LRP6: variants seen among roughly 807,000 people sequenced by gnomAD.
LRP6 encodes the protein low-density lipoprotein receptor-related protein 6.
In LRP6, 43 loss-of-function variants were observed where a neutral mutation model predicts 184.1. That is an observed-to-expected ratio of 0.23 (90% confidence interval 0.18 to 0.30). LRP6 has a LOEUF of 0.30. LRP6 is among the 10% of genes least tolerant of loss of function. The pLI is 1.00. For missense variants in LRP6, 1,571 were observed against 2,005.3 expected (o/e 0.78, Z 4.14); for synonymous variants, 719 against 684.9 (o/e 1.05, Z -0.78).
At chr12:12,121,539 T>G in intron 22 of LRP6, 119 bp from the exon 23 acceptor site, 1 of 950,998 alleles carries the variant, frequency 1.1e-6, no homozygotes, top group African/African-American at 1.6e-5. Flanking sequence ...TACTGCAATT[T>G]AAATTTACAC....
intron 2 of LRP6, among the ~76,000 whole-genome samples, chr12:12,239,152 G>C (rs1241129194): frequency 6.6e-6 from 1 of 152,126 alleles, no homozygotes; most frequent in Non-Finnish European, 1.5e-5. Context: ...ATAGAAAACA[G>C]ACCTTCCCAA....
intron 12 of LRP6, among the ~76,000 whole-genome samples, chr12:12,156,144 A>G (rs537181662): frequency 5.9e-5 from 9 of 152,334 alleles, no homozygotes; most frequent in Admixed American, 2.6e-4. Context: ...AAAAGTACAG[A>G]TAAGGGGCAC....
intron 22 of LRP6, among the ~76,000 whole-genome samples, chr12:12,122,846 T>C (rs542739418): frequency 6.6e-6 from 1 of 151,550 alleles, no homozygotes; most frequent in South Asian, 2.1e-4. Context: ...AAAATAAAAA[T>C]AAAAATAAAA....
intron 2 of LRP6, among the ~76,000 whole-genome samples, chr12:12,225,800 A>T (rs1054410570): frequency 1.4e-5 from 2 of 145,398 alleles, no homozygotes; most frequent in African/African-American, 5.1e-5. Context: ...TGAACCCGGG[A>T]GGCAGAGGTT....
At chr12:12,199,350 T>C (rs1400728204) in intron 3 of LRP6, among the ~76,000 whole-genome samples, 1 of 152,066 alleles carries the variant, frequency 6.6e-6, no homozygotes, top group African/African-American at 2.4e-5. Flanking sequence ...CATTGTTGAA[T>C]ACACTGGCAG....
At chr12:12,171,886 T>C (rs528077684) in intron 7 of LRP6, among the ~76,000 whole-genome samples, 1 of 152,364 alleles carries the variant, frequency 6.6e-6, no homozygotes, top group African/African-American at 2.4e-5. Context: ...GAAATCACTA[T>C]TCCATTTCTC....
chr12:12,186,766 C>CAA, intron 4 of LRP6, 157 bp downstream of exon 4: 1 of 685,088 alleles, frequency 1.5e-6, no homozygotes, highest in South Asian at 1.7e-5. Context: ...TCAAGTGATT[C>CAA]TCTTGCCTCA....
Position 12,164,409 on chromosome 12 carries a change from C to T in LRP6, c.1916G>A (p.Arg639Lys). The T allele has an allele frequency of 6.2e-7, 1 of 1,614,136 alleles. No individual in the cohort carries two copies. Among genetic ancestry groups the T allele is most frequent in the Non-Finnish European group, 8.5e-7 (1 of 1,180,034 alleles). ...VPEAFLLFSR[R>K]ADIRRISLET... is the part of the protein sequence containing the mutation. ...CAGAGAAATTCGTCTGATATCTGCT[C>T]TCCGTGAAAACAAAAGGAAAGCCTC... The change falls in exon 9 of 23, where the codon AGA becomes AAA. Residue 639 changes from arginine (R) to lysine (K), a missense_variant. Transcript: ENST00000261349.
rs185626158 is a variant in LRP6, at chr12:12,179,230, T to G, written c.1545+580A>C. On this transcript the variant is annotated intron_variant, in intron 7 of 22. Transcript: ENST00000261349. ...TTAACTCTACCACTTGGTAAATATTTTTTCCCAAGCTTTGGTTAATTAGTC... is the reference window on the plus strand; with the variant it reads ...TTAACTCTACCACTTGGTAAATATTGTTTCCCAAGCTTTGGTTAATTAGTC... 2.3e-3 allele frequency among the ~76,000 whole-genome samples: 351 copies of G among 152,264 alleles called. 1 individual carries two copies. Among genetic ancestry groups the G allele is most frequent in the African/African-American group, 8.2e-3 (340 of 41,544 alleles).
intron 19 of LRP6, among the ~76,000 whole-genome samples, chr12:12,128,085 C>T (rs1386509464): frequency 6.6e-6 from 1 of 152,184 alleles, no homozygotes; most frequent in African/African-American, 2.4e-5. Context: ...CTGGGTCACA[C>T]CATAAACTCC....
intron 19 of LRP6, among the ~76,000 whole-genome samples, chr12:12,130,316 G>T (rs1190724418): frequency 6.6e-6 from 1 of 151,776 alleles, no homozygotes; most frequent in Non-Finnish European, 1.5e-5. Flanking sequence ...CCTCCCAGTA[G>T]CTGGGATTAC....
In LRP6 at chr12:12,131,986, G is replaced by A. The variant is rs1335350108; in HGVS notation, c.3805C>T (p.Arg1269Trp). 5 of 1,614,012 alleles carry A rather than the reference G, an allele frequency of 3.1e-6. No individual in the cohort carries two copies. The highest frequency in any genetic ancestry group is 2.5e-6 in the Non-Finnish European group (3 of 1,180,006). ...TCACATTCAGTAAACCCATCGCACC[G>A]CCAAGCCACAGGGATACAGTCAATT... Reference protein sequence around the residue: ...GEIDCIPVAWRCDGFTECEDH... With the variant: ...GEIDCIPVAWWCDGFTECEDH... The change falls in exon 18 of 23, where the codon CGG (arginine) becomes TGG (tryptophan). Residue 1269 changes from arginine to tryptophan, a missense_variant. Coordinates refer to ENST00000261349, the MANE Select transcript of LRP6 (RefSeq NM_002336.3).
chr12:12,235,590 C>A (rs1864911256), intron 2 of LRP6, among the ~76,000 whole-genome samples: 1 of 151,974 alleles, frequency 6.6e-6, no homozygotes, highest in South Asian at 2.1e-4. Context: ...ATTAGCCAGG[C>A]ATAGTGGCGC....
chr12:12,226,748 A>G (rs1864634406), intron 2 of LRP6: 1 of 152,324 alleles, frequency 6.6e-6, no homozygotes. Flanking sequence ...CAAGGATGAC[A>G]TGCAAATTCG....
chr12:12,167,403 G>A (rs1169387313), intron 7 of LRP6, among the ~76,000 whole-genome samples: 3 of 152,154 alleles, frequency 2.0e-5, no homozygotes, highest in African/African-American at 7.2e-5. Flanking sequence ...CAGCATTTTG[G>A]GAGGCCGAGA....
At chr12:12,199,233 C>A (rs1435999271) in intron 3 of LRP6, among the ~76,000 whole-genome samples, 1 of 151,890 alleles carries the variant, frequency 6.6e-6, no homozygotes, top group Admixed American at 6.6e-5. Flanking sequence ...ATAGCATGAA[C>A]ACATATTATA....
At chr12:12,247,702 GATAGGT>G (rs1194662250) in intron 1 of LRP6, among the ~76,000 whole-genome samples, 4 of 152,136 alleles carry the variant, frequency 2.6e-5, no homozygotes, top group Non-Finnish European at 4.4e-5. Context: ...TGGGATATCT[GATAGGT>G]ATAATTTGAT....
rs780211090 is a variant in LRP6 at position 12,164,502 on chromosome 12, T to A, written c.1823A>T (p.Gln608Leu). The A allele has an allele frequency of 6.2e-7, 1 of 1,614,166 alleles. No individual in the cohort carries two copies. The highest frequency in any genetic ancestry group is 1.7e-5 in the Admixed American group (1 of 60,028). Reference sequence around the variant, plus strand: ...AATAGGGCAAGCACAGCGAAGGCCCTGAGGTCTATAGAGGCAGAGATGGCT... The same window carrying A: ...AATAGGGCAAGCACAGCGAAGGCCCAGAGGTCTATAGAGGCAGAGATGGCT... The part of the protein sequence containing the change: ...GCSHLCLYRP[Q>L]GLRCACPIGF... The change falls in exon 9 of 23, where the codon CAG (glutamine) becomes CTG (leucine). Residue 608 changes from glutamine (Q) to leucine (L), a missense_variant. Gln to Leu is a moderately radical substitution (Grantham distance 113). This residue lies in a region of LRP6 where 640 missense variants were observed against 851.9 expected (regional missense o/e 0.75). Transcript: ENST00000261349.
intron 18 of LRP6, 44 bp downstream of exon 18, chr12:12,131,777 G>A (rs1172047077): frequency 2.0e-6 from 3 of 1,530,758 alleles, no homozygotes; most frequent in African/African-American, 2.7e-5. Flanking sequence ...CAACTGAATG[G>A]GAAAAAAGGA....
Sources: allele counts gnomAD v4.1 joint callset (sites outside exome capture counted in the v4.1 genomes callset), GRCh38; gene constraint gnomAD v4.1.1; regional missense constraint gnomAD v4.1.1; transcripts MANE v1.5; gene names NCBI Gene and HGNC (gene_info 2026-07-23, HGNC 2026-07-21).